DDX46: variants seen among roughly 807,000 people sequenced by gnomAD.
DDX46 encodes the protein probable ATP-dependent RNA helicase DDX46.
In DDX46, 30 loss-of-function variants were observed where a neutral mutation model predicts 134.9. That is an observed-to-expected ratio of 0.22 (90% CI 0.17 to 0.30). The LOEUF is 0.30. DDX46 is among the 10% of genes least tolerant of loss of function. The probability of loss-of-function intolerance (pLI) is 1.00; values close to 1 mark genes in which losing one functional copy is unlikely to be tolerated. For missense variants in DDX46, 622 were observed against 1,248.7 expected (o/e 0.50, Z 7.56); for synonymous variants, 415 against 404.1 (o/e 1.03, Z -0.32).
At chr5:134,761,153 A>G (rs1753372076) in intron 1 of DDX46, among the ~76,000 whole-genome samples, 1 of 151,968 alleles carries the variant, frequency 6.6e-6, no homozygotes, top group African/African-American at 2.4e-5. Flanking sequence ...AGCCTCCCGA[A>G]TAGCTGGGAC....
At chr5:134,768,248 T>A (rs549604104) in intron 3 of DDX46, among the ~76,000 whole-genome samples, 86 of 151,982 alleles carry the variant, frequency 5.7e-4, no homozygotes, top group African/African-American at 2.0e-3. Context: ...TAGCTGGGAC[T>A]GCAGGTGTGT....
chr5:134,779,824 C>T (rs977557421), intron 6 of DDX46, among the ~76,000 whole-genome samples: 3 of 152,038 alleles, frequency 2.0e-5, no homozygotes, highest in Admixed American at 6.6e-5. Context: ...TCATGCCGGA[C>T]GTGGTGGCTC....
chr5:134,796,906 C>T (rs1430334381), intron 15 of DDX46, among the ~76,000 whole-genome samples: 22 of 149,160 alleles, frequency 1.5e-4, no homozygotes, highest in Admixed American at 1.4e-3. Context: ...AATCCCAGAA[C>T]TTTGAGAGGC....
At chr5:134,790,058 A>G (rs1305994260) in intron 12 of DDX46, 1 of 458,080 alleles carries the variant, frequency 2.2e-6, no homozygotes, top group Admixed American at 2.3e-5. Flanking sequence ...TAGCACTAGA[A>G]CTTGCTTTCC....
In DDX46 at chr5:134,764,011, G is replaced by C; in HGVS notation, c.125G>C (p.Ser42Thr). The change falls in exon 2 of 23, where the codon AGT (serine) becomes ACT (threonine). Residue 42 changes from serine to threonine, a missense_variant. Physicochemically the swap from Ser to Thr is moderately conservative, Grantham distance 58. This residue lies in a region of DDX46 where 244 missense variants were observed against 349.3 expected (regional missense o/e 0.70). Coordinates refer to ENST00000452510, the MANE Select transcript of DDX46 (RefSeq NM_001300860.2). ...SKRGDDRRSR[S>T]RDRDRRRERS... ...CGTGGAGATGACAGACGGTCTAGAA[G>C]TAGAGATAGAGATAGGAGGAGAGAG... is the stretch of plus-strand genomic sequence containing the variant. The C allele has an allele frequency of 6.2e-7, 1 of 1,614,212 alleles. No individual in the cohort carries two copies. Among genetic ancestry groups the C allele is most frequent in the Non-Finnish European group, 8.5e-7 (1 of 1,180,038 alleles).
chr5:134,806,294 C>G (rs1754985016), intron 15 of DDX46, among the ~76,000 whole-genome samples: 1 of 151,768 alleles, frequency 6.6e-6, no homozygotes, highest in Non-Finnish European at 1.5e-5. Context: ...CTCTTTGAGA[C>G]TGGGATTAGG....
At chr5:134,823,337 A>C (rs1216438048) in intron 21 of DDX46, among the ~76,000 whole-genome samples, 1 of 151,408 alleles carries the variant, frequency 6.6e-6, no homozygotes, top group African/African-American at 2.4e-5. Context: ...ATGGGGTTTC[A>C]CCATTGTTGG....
intron 15 of DDX46, among the ~76,000 whole-genome samples, chr5:134,799,859 A>G (rs977652096): frequency 1.3e-5 from 2 of 152,140 alleles, no homozygotes; most frequent in Non-Finnish European, 2.9e-5. Flanking sequence ...AGTCTGGGCA[A>G]CATAGTGAGA....
At chr5:134,784,608 G>A in intron 10 of DDX46, 67 bp downstream of exon 10, 1 of 1,448,624 alleles carries the variant, frequency 6.9e-7, no homozygotes, top group Non-Finnish European at 9.2e-7. Context: ...AGACCTTATA[G>A]TTTATAATGT....
At chr5:134,772,533 A>G (rs1753805717) in intron 4 of DDX46, among the ~76,000 whole-genome samples, 1 of 152,036 alleles carries the variant, frequency 6.6e-6, no homozygotes, top group East Asian at 1.9e-4. Context: ...AAAAAAATGT[A>G]GACTTAAGAA....
chr5:134,776,080 G>A (rs1351729972), intron 5 of DDX46, among the ~76,000 whole-genome samples: 1 of 152,118 alleles, frequency 6.6e-6, no homozygotes, highest in Non-Finnish European at 1.5e-5. Context: ...ATGGTAAGCG[G>A]GAGAAAAGAA....
intron 14 of DDX46, 117 bp downstream of exon 14, chr5:134,795,131 C>G: frequency 1.7e-6 from 2 of 1,164,006 alleles, no homozygotes; most frequent in Non-Finnish European, 2.4e-6. Flanking sequence ...AAGTCGTATA[C>G]CACTACTCTA....
chr5:134,802,242 G>A (rs1231110038), intron 15 of DDX46, among the ~76,000 whole-genome samples: 1 of 133,556 alleles, frequency 7.5e-6, no homozygotes, highest in Non-Finnish European at 1.5e-5. Flanking sequence ...TTGGCTCACC[G>A]CAACCTCCGC....
chr5:134,776,730 C>G (rs1428529930), intron 5 of DDX46, among the ~76,000 whole-genome samples: 1 of 151,790 alleles, frequency 6.6e-6, no homozygotes, highest in Non-Finnish European at 1.5e-5. Context: ...GCCTGACAAA[C>G]ATGGTGAAAC....
At chr5:134,767,226 A>G (rs1391533545) in intron 3 of DDX46, among the ~76,000 whole-genome samples, 166 bp downstream of exon 3, 9 of 151,730 alleles carry the variant, frequency 5.9e-5, no homozygotes, top group Non-Finnish European at 1.2e-4. Context: ...TATAATGTTT[A>G]TAATTCAACT....
Position 134,779,519 on chromosome 5 carries a change from TG to T in DDX46, c.766-1613del, listed in dbSNP as rs558525000. Among the ~76,000 whole-genome samples the T allele has an allele frequency of 3.1e-3, 472 of 150,786 alleles. 1 individual carries two copies. The highest frequency in any genetic ancestry group is 5.2e-3 in the Non-Finnish European group (355 of 67,822). ...TTATTTTATTTTTTATTTAAGAAAA[TG>T]TTTTTTAGAGACAGGGTCTCGCTGT... is the stretch of plus-strand genomic sequence containing the variant. On this transcript the variant is annotated intron_variant, in intron 6 of 22. Coordinates refer to ENST00000452510, the MANE Select transcript of DDX46 (RefSeq NM_001300860.2).
At chr5:134,785,610 G>C (rs1249085603) in intron 11 of DDX46, 24 bp downstream of exon 11, 3 of 1,577,392 alleles carry the variant, frequency 1.9e-6, no homozygotes, top group Non-Finnish European at 2.6e-6. Flanking sequence ...AAACATTCAT[G>C]TTTTCCATTC....
chr5:134,758,919 G>C lies in DDX46; in HGVS notation c.-20G>C. The C allele has an allele frequency of 6.2e-7, 1 of 1,613,580 alleles. No individual in the cohort carries two copies. The highest frequency in any genetic ancestry group is 8.5e-7 in the Non-Finnish European group (1 of 1,179,880). ...CTGTGCGTGGTACTCAAGGGCACCA[G>C]TATTCCCGCGGTCGGCAGCATGGGT... is the stretch of plus-strand genomic sequence containing the variant. On this transcript the variant is annotated 5_prime_UTR_variant, in exon 1 of 23. Transcript: ENST00000452510.
chr5:134,767,114 C>T lies in DDX46; in HGVS notation c.350+54C>T, dbSNP rs192831996. 1.5e-4 allele frequency: 228 copies of T among 1,508,844 alleles called. No individual in the cohort carries two copies. The African/African-American group carries it at 3.0e-3, about 20-fold the overall frequency. The allele number at this position is 1,508,844 out of a possible 1,614,324, so 93.5% of individuals were successfully genotyped here. A position where few individuals can be genotyped will look rare whatever the true frequency, so the allele number is the denominator to read the frequency against. ...GTGCAGACTGGGGACTGCTTCCCTT[C>T]TCTGCGCCTTTTTTTTTTTTCCCTG... On this transcript the variant is annotated intron_variant, in intron 3 of 22. Transcript: ENST00000452510.
Sources: allele counts gnomAD v4.1 joint callset (sites outside exome capture counted in the v4.1 genomes callset), GRCh38; gene constraint gnomAD v4.1.1; regional missense constraint gnomAD v4.1.1; transcripts MANE v1.5; gene names NCBI Gene and HGNC (gene_info 2026-07-23, HGNC 2026-07-21).